The following HS3ST4 variants were observed in gnomAD, a reference collection of about 807,000 sequenced individuals.
HS3ST4 encodes the protein heparan sulfate-glucosamine 3-sulfotransferase 4, also known as heparan sulfate glucosamine 3-O-sulfotransferase 4.
Under a neutral mutation model 29.2 loss-of-function variants are expected in HS3ST4, and 17 were observed. That is an observed-to-expected ratio of 0.58 (90% CI 0.40 to 0.87). HS3ST4 has a LOEUF of 0.87. HS3ST4 is among the 40% of genes least tolerant of loss of function. The pLI is 0.00. For synonymous variants in HS3ST4, 314 were observed against 285.7 expected (o/e 1.10, Z -1.00); for missense variants, 627 against 634.5 (o/e 0.99, Z 0.13).
At chr16:25,788,324 A>C (rs2141618344) in intron 1 of HS3ST4, among the ~76,000 whole-genome samples, 1 of 151,764 alleles carries the variant, frequency 6.6e-6, no homozygotes, top group African/African-American at 2.4e-5. Context: ...CTGAGGCGGG[A>C]GAATCACTTG....
chr16:25,955,314 C>T (rs1297102960), intron 1 of HS3ST4, among the ~76,000 whole-genome samples: 1 of 152,178 alleles, frequency 6.6e-6, no homozygotes, highest in African/African-American at 2.4e-5. Flanking sequence ...ACAAGACAGC[C>T]TCTGCATAAT....
intron 1 of HS3ST4, among the ~76,000 whole-genome samples, chr16:26,134,568 G>A (rs568550654): frequency 6.6e-6 from 1 of 152,006 alleles, no homozygotes; most frequent in East Asian, 1.9e-4. Context: ...CACCATATTG[G>A]CCAGGCTGGT....
chr16:25,917,260 C>T (rs948846094), intron 1 of HS3ST4, among the ~76,000 whole-genome samples: 4 of 151,692 alleles, frequency 2.6e-5, no homozygotes, highest in Admixed American at 1.3e-4. Context: ...TCACCCAGGC[C>T]GGAGTGCAGT....
At chr16:25,744,553 T>TATCATCATC (rs34486910) in intron 1 of HS3ST4, among the ~76,000 whole-genome samples, 2 of 151,346 alleles carry the variant, frequency 1.3e-5, no homozygotes, top group South Asian at 4.2e-4. Context: ...GTCATTTTTC[T>TATCATCATC]ATCATCATCA....
At chr16:25,824,934 C>A (rs1273665850) in intron 1 of HS3ST4, 1 of 152,112 alleles carries the variant, frequency 6.6e-6, no homozygotes, top group Admixed American at 6.5e-5. Flanking sequence ...ACACCCAGAA[C>A]CAGTGAATGT....
At chr16:26,063,704 A>T (rs367929717) in intron 1 of HS3ST4, among the ~76,000 whole-genome samples, 1 of 152,156 alleles carries the variant, frequency 6.6e-6, no homozygotes, top group Admixed American at 6.5e-5. Context: ...TCTTAAAAAA[A>T]TAAAGAAAGA....
intron 1 of HS3ST4, among the ~76,000 whole-genome samples, chr16:25,997,125 C>A (rs551578055): frequency 1.3e-5 from 2 of 152,218 alleles, no homozygotes; most frequent in Admixed American, 6.5e-5. Flanking sequence ...TTAACTGGAG[C>A]CTCTTGTACT....
chr16:26,032,023 C>T (rs1435273457), intron 1 of HS3ST4, among the ~76,000 whole-genome samples: 1 of 152,266 alleles, frequency 6.6e-6, no homozygotes, highest in East Asian at 1.9e-4. Context: ...ATCTGAAGAT[C>T]CACAATCTAG....
At chr16:26,035,273 TC>T (rs1314151595) in intron 1 of HS3ST4, among the ~76,000 whole-genome samples, 1 of 152,146 alleles carries the variant, frequency 6.6e-6, no homozygotes, top group African/African-American at 2.4e-5. Flanking sequence ...ACCTCTTTCT[TC>T]TCCTCTCACT....
chr16:25,898,944 G>A (rs1886858072), intron 1 of HS3ST4, among the ~76,000 whole-genome samples: 1 of 152,146 alleles, frequency 6.6e-6, no homozygotes, highest in African/African-American at 2.4e-5. Flanking sequence ...TCTCCTATTC[G>A]CTAACAGCAG....
intron 1 of HS3ST4, among the ~76,000 whole-genome samples, chr16:25,845,493 A>AGC (rs972691928): frequency 6.6e-6 from 1 of 152,140 alleles, no homozygotes; most frequent in African/African-American, 2.4e-5. Context: ...TGGGCGACAG[A>AGC]GCGAGACTTC....
chr16:25,905,964 G>A (rs746691952), intron 1 of HS3ST4, among the ~76,000 whole-genome samples: 1 of 152,164 alleles, frequency 6.6e-6, no homozygotes. Flanking sequence ...ATTTCTTCCT[G>A]GAAGTGCTGA....
At chr16:26,084,401 T>C (rs1233748122) in intron 1 of HS3ST4, among the ~76,000 whole-genome samples, 6 of 152,246 alleles carry the variant, frequency 3.9e-5, no homozygotes, top group Admixed American at 6.5e-5. Flanking sequence ...GCCTCTTTGC[T>C]GGAATTGGCT....
intron 1 of HS3ST4, among the ~76,000 whole-genome samples, chr16:25,920,602 AC>A (rs56192154): frequency 1.1e-5 from 1 of 88,158 alleles, no homozygotes; most frequent in East Asian, 2.0e-3. Flanking sequence ...TGCCGCCCCC[AC>A]CCCTCTTTTT....
intron 1 of HS3ST4, among the ~76,000 whole-genome samples, chr16:26,130,453 A>G (rs1009651680): frequency 6.6e-6 from 1 of 152,184 alleles, no homozygotes; most frequent in East Asian, 1.9e-4. Flanking sequence ...CAGTAACCAC[A>G]AATAGTAATG....
intron 1 of HS3ST4, among the ~76,000 whole-genome samples, chr16:26,047,591 AG>A (rs781719554): frequency 1.8e-4 from 27 of 152,192 alleles, no homozygotes; most frequent in Non-Finnish European, 3.7e-4. Context: ...GTGCTTAAGA[AG>A]TCATCCAGGT....
In HS3ST4 at chr16:25,841,782, G is replaced by T. The variant is rs1292507924; in HGVS notation, c.734+148631G>T. Among the ~76,000 whole-genome samples the T allele has an allele frequency of 2.6e-5, 4 of 152,252 alleles. No homozygotes were observed. In the East Asian group the frequency reaches 7.7e-4, roughly 29 times the overall value. ...AATGGGAACTAGAACCTGCGTCTGT[G>T]GGTGGTGTGGAGACTATTGCTTCAA... On this transcript the variant is annotated intron_variant, in intron 1 of 1. Transcript: ENST00000331351.
At chr16:26,030,314 G>A (rs759519012) in intron 1 of HS3ST4, among the ~76,000 whole-genome samples, 2 of 152,196 alleles carry the variant, frequency 1.3e-5, no homozygotes, top group Non-Finnish European at 2.9e-5. Context: ...AGGCTGTTAG[G>A]AAGATCACTT....
intron 1 of HS3ST4, among the ~76,000 whole-genome samples, chr16:26,006,488 TG>T (rs1218077654): frequency 2.0e-5 from 3 of 152,100 alleles, no homozygotes; most frequent in Admixed American, 6.6e-5. Flanking sequence ...CAATAGAGAA[TG>T]AGTTTAACTC....
Sources: allele counts gnomAD v4.1 joint callset (sites outside exome capture counted in the v4.1 genomes callset), GRCh38; gene constraint gnomAD v4.1.1; transcripts MANE v1.5; gene names NCBI Gene and HGNC (gene_info 2026-07-23, HGNC 2026-07-21).